SORCS1: variants seen among roughly 807,000 people sequenced by gnomAD.
SORCS1 encodes the protein sortilin related VPS10 domain containing receptor 1.
Under a neutral mutation model 146.1 loss-of-function variants are expected in SORCS1, and 60 were observed. The ratio of observed to expected loss-of-function variants is 0.41; its 90% confidence interval spans 0.33 to 0.51. The LOEUF is 0.51. SORCS1 is among the 20% of genes least tolerant of loss of function. The pLI is 0.21. For missense variants in SORCS1, 1,352 were observed against 1,487.6 expected, an observed-to-expected ratio of 0.91 and a Z score of 1.50; for synonymous variants, 637 against 584.0, an observed-to-expected ratio of 1.09 and a Z score of -1.31.
At chr10:107,104,463 T>C (rs892811759) in intron 1 of SORCS1, among the ~76,000 whole-genome samples, 16 of 152,176 alleles carry the variant, frequency 1.1e-4, no homozygotes, top group African/African-American at 3.9e-4. Flanking sequence ...TTCAGCCTCA[T>C]GGCAGACCAG....
chr10:106,582,183 TTCC>T (rs1171934924), intron 24 of SORCS1, among the ~76,000 whole-genome samples: 1 of 152,022 alleles, frequency 6.6e-6, no homozygotes, highest in African/African-American at 2.4e-5. Context: ...TTCTCTTTCC[TTCC>T]TCCTATCTCT....
intron 1 of SORCS1, among the ~76,000 whole-genome samples, chr10:107,093,781 C>T (rs1964369016): frequency 6.6e-6 from 1 of 152,102 alleles, no homozygotes; most frequent in Admixed American, 6.5e-5. Context: ...CTTACACAAT[C>T]TGCCTATCAC....
intron 1 of SORCS1, among the ~76,000 whole-genome samples, chr10:107,146,150 T>C (rs1968303993): frequency 6.6e-6 from 1 of 152,124 alleles, no homozygotes; most frequent in African/African-American, 2.4e-5. Context: ...ATGATATAGA[T>C]GTAGAAGCAG....
chr10:106,699,399 A>G lies in SORCS1; in HGVS notation c.1234-6T>C. ...GTGCTGATAACATGCATGTCCTGTG[A>G]AAAGACACAAGGTCGTGAAGAGGGA... On this transcript the variant is annotated splice_region_variant and splice_polypyrimidine_tract_variant and intron_variant, in intron 8 of 25. Transcript: ENST00000263054. The G allele has an allele frequency of 3.1e-6, 5 of 1,605,238 alleles. No individual in the cohort carries two copies. In the South Asian group the frequency reaches 5.6e-5, roughly 18 times the overall value.
intron 2 of SORCS1, among the ~76,000 whole-genome samples, chr10:106,911,296 C>T (rs958699168): frequency 1.1e-4 from 16 of 152,188 alleles, no homozygotes. Context: ...ATGTGTCTCA[C>T]TCAGGATTTA....
intron 7 of SORCS1, 68 bp downstream of exon 7, chr10:106,709,155 G>T: frequency 7.9e-7 from 1 of 1,268,972 alleles, no homozygotes; most frequent in Non-Finnish European, 1.1e-6. Context: ...GTGTAAAGCA[G>T]GCAAAAGGGA....
intron 5 of SORCS1, among the ~76,000 whole-genome samples, chr10:106,748,004 T>C (rs1050299066): frequency 2.0e-5 from 3 of 152,234 alleles, no homozygotes; most frequent in African/African-American, 7.2e-5. Context: ...AAAATATTTA[T>C]TGAGCACCTC....
intron 2 of SORCS1, among the ~76,000 whole-genome samples, chr10:106,841,037 A>G (rs1354021969): frequency 6.6e-6 from 1 of 151,408 alleles, no homozygotes; most frequent in African/African-American, 2.4e-5. Context: ...TTGCATTTTA[A>G]TAGAGACGGG....
intron 1 of SORCS1, among the ~76,000 whole-genome samples, chr10:107,036,046 A>G (rs1958892326): frequency 6.6e-6 from 1 of 151,728 alleles, no homozygotes. Context: ...CTAGTATCCC[A>G]TAACGTTGTA....
chr10:107,163,128 C>T (rs1462597821), intron 1 of SORCS1, among the ~76,000 whole-genome samples: 1 of 152,234 alleles, frequency 6.6e-6, no homozygotes, highest in Non-Finnish European at 1.5e-5. Flanking sequence ...GGACTTGCAT[C>T]CTAAGTCCCC....
intron 1 of SORCS1, among the ~76,000 whole-genome samples, chr10:107,104,491 A>T (rs1342828018): frequency 6.6e-6 from 1 of 152,144 alleles, no homozygotes; most frequent in African/African-American, 2.4e-5. Flanking sequence ...TCACCTCAGG[A>T]TCTGGAGTGT....
intron 1 of SORCS1, among the ~76,000 whole-genome samples, chr10:107,025,457 C>G (rs542462231): frequency 6.6e-6 from 1 of 152,120 alleles, no homozygotes; most frequent in Non-Finnish European, 1.5e-5. Flanking sequence ...GAAGCCTGGA[C>G]ATGAAATAAA....
chr10:107,116,060 A>T (rs1590173622), intron 1 of SORCS1, among the ~76,000 whole-genome samples: 1 of 152,126 alleles, frequency 6.6e-6, no homozygotes, highest in East Asian at 1.9e-4. Context: ...ATGAAACCAC[A>T]ATGAGATACC....
At chr10:107,155,164 C>A (rs1312062663) in intron 1 of SORCS1, among the ~76,000 whole-genome samples, 1 of 152,190 alleles carries the variant, frequency 6.6e-6, no homozygotes, top group African/African-American at 2.4e-5. Flanking sequence ...TAGAGCCTTA[C>A]ATTCCAATAG....
intron 4 of SORCS1, among the ~76,000 whole-genome samples, chr10:106,775,555 T>A (rs956527679): frequency 4.3e-4 from 65 of 152,184 alleles, no homozygotes; most frequent in African/African-American, 1.5e-3. Flanking sequence ...ATGCCACATA[T>A]CTATGCAAAC....
intron 1 of SORCS1, among the ~76,000 whole-genome samples, chr10:107,120,572 A>G (rs1447400637): frequency 6.6e-6 from 1 of 152,208 alleles, no homozygotes; most frequent in East Asian, 1.9e-4. Flanking sequence ...ATCACTTGAA[A>G]TAAGGACCAG....
In SORCS1 at chr10:106,903,822, A is replaced by G. The variant is rs368385303; in HGVS notation, c.626+52691T>C. Among the ~76,000 whole-genome samples, 33 of 152,274 alleles carry G rather than the reference A, an allele frequency of 2.2e-4. No homozygotes were observed. The East Asian group carries it at 4.3e-3, about 20-fold the overall frequency. On this transcript the variant is annotated intron_variant, in intron 2 of 25. Coordinates refer to ENST00000263054, the MANE Select transcript of SORCS1 (RefSeq NM_052918.5). The stretch of plus-strand genomic sequence containing the variant: ...AGGTACTAGTCTGTAGATATTTGCA[A>G]ATCTCATAATTTATGTCCATGCTTG...
Position 106,577,398 on chromosome 10 carries a change from C to T in SORCS1, c.*22G>A. On this transcript the variant is annotated 3_prime_UTR_variant, in exon 26 of 26. Coordinates refer to ENST00000263054, the MANE Select transcript of SORCS1 (RefSeq NM_052918.5). ...AATTCTTTCCTGATCAGCAGGTCGC[C>T]TGTAGCCTTTGGGGGTTTTCCTTAA... 6.2e-7 allele frequency: 1 copy of T among 1,613,846 alleles called. No homozygotes were observed. Among genetic ancestry groups the T allele is most frequent in the Non-Finnish European group, 8.5e-7 (1 of 1,179,770 alleles).
chr10:106,832,252 G>A (rs1948582678), intron 2 of SORCS1, among the ~76,000 whole-genome samples: 1 of 147,930 alleles, frequency 6.8e-6, no homozygotes. Flanking sequence ...GCAGTTGGGT[G>A]ATCTCTGCTC....
Sources: gnomAD v4.1 joint callset for allele counts (sites outside exome capture counted in the v4.1 genomes callset) on GRCh38, gnomAD v4.1.1 for gene constraint, MANE v1.5 for transcripts, NCBI Gene and HGNC (gene_info 2026-07-23, HGNC 2026-07-21) for gene names.